CDK12: variants seen among roughly 807,000 people sequenced by gnomAD.
The protein encoded by CDK12 is cyclin-dependent kinase 12.
A neutral mutation model predicts 133.8 loss-of-function variants in CDK12; 17 were observed. The ratio of observed to expected loss-of-function variants is 0.13; its 90% CI spans 0.09 to 0.19. The LOEUF is 0.19. Among genes scored for constraint, CDK12 ranks in the 10% least tolerant of loss-of-function variants. CDK12 has a pLI of 1.00. For missense variants in CDK12, 1,508 were observed against 1,818.7 expected, an observed-to-expected ratio of 0.83 and a Z score of 3.11; for synonymous variants, 694 against 683.6, an observed-to-expected ratio of 1.02 and a Z score of -0.24.
chr17:39,519,340 C>A (rs1185641904), intron 10 of CDK12, among the ~76,000 whole-genome samples: 2 of 112,830 alleles, frequency 1.8e-5, no homozygotes, highest in African/African-American at 6.9e-5. Flanking sequence ...CCGTCTCACT[C>A]TGTCACCTAG....
chr17:39,528,776 AAGTTT>A (rs1305304663), intron 13 of CDK12, among the ~76,000 whole-genome samples: 3 of 152,242 alleles, frequency 2.0e-5, no homozygotes, highest in African/African-American at 7.2e-5. Flanking sequence ...GGAAGAATGT[AAGTTT>A]AGATTATCTC....
intron 11 of CDK12, among the ~76,000 whole-genome samples, chr17:39,524,405 G>A (rs2054368862): frequency 6.6e-6 from 1 of 152,140 alleles, no homozygotes; most frequent in Non-Finnish European, 1.5e-5. Flanking sequence ...ATTTATATGG[G>A]AATTTATATA....
intron 2 of CDK12, among the ~76,000 whole-genome samples, chr17:39,474,912 C>T (rs1204449766): frequency 6.6e-6 from 1 of 151,032 alleles, no homozygotes; most frequent in Non-Finnish European, 1.5e-5. Flanking sequence ...CAGCTCACTG[C>T]AGCCTCTGCC....
Position 39,531,277 on chromosome 17 carries a change from C to A in CDK12, c.4434C>A (p.Val1478=). 6.7e-7 allele frequency: 1 copy of A among 1,499,972 alleles called. No individual in the cohort carries two copies. The highest frequency in any genetic ancestry group is 8.9e-7 in the Non-Finnish European group (1 of 1,127,876). The allele number at this position is 1,499,972 out of a possible 1,614,324, so 92.9% of individuals were successfully genotyped here. ...YGKLYRGPTR[V]PPRGGRGRGV... ...AACTCTATCGGGGGCCTACAAGAGT[C>A]CCACCAAGAGGGGGAAGAGGGAGAG... The change falls in exon 14 of 14, where the codon GTC becomes GTA. Residue 1478 remains valine, a synonymous_variant. Coordinates refer to ENST00000447079, the MANE Select transcript of CDK12 (RefSeq NM_016507.4).
chr17:39,553,047 G>A (rs867761367), intron 2 of CDK12, among the ~76,000 whole-genome samples: 1 of 152,134 alleles, frequency 6.6e-6, no homozygotes, highest in Non-Finnish European at 1.5e-5. Flanking sequence ...TTAGCCAAGG[G>A]TGCCAGATCT....
At chr17:39,464,715 G>A (rs1043682345) in intron 1 of CDK12, among the ~76,000 whole-genome samples, 1 of 151,572 alleles carries the variant, frequency 6.6e-6, no homozygotes, top group African/African-American at 2.4e-5. Context: ...ACCCATATAT[G>A]TAACAGCAAG....
intron 4 of CDK12, among the ~76,000 whole-genome samples, chr17:39,493,732 T>C: frequency 6.6e-6 from 1 of 151,976 alleles, no homozygotes; most frequent in African/African-American, 2.4e-5. Context: ...GTGTGGTGAG[T>C]CATGCCTGTA....
At chr17:39,493,419 C>G (rs2051806021) in intron 4 of CDK12, among the ~76,000 whole-genome samples, 1 of 152,092 alleles carries the variant, frequency 6.6e-6, no homozygotes, top group Admixed American at 6.6e-5. Context: ...AGCGATGCCT[C>G]TGCATCAGCC....
chr17:39,511,194 G>C (rs1276593632), intron 7 of CDK12, among the ~76,000 whole-genome samples: 2 of 133,576 alleles, frequency 1.5e-5, no homozygotes, highest in African/African-American at 2.8e-5. Flanking sequence ...CAGCCTGAGG[G>C]ACAGAGCAAG....
At chr17:39,512,692 A>G (rs1479256439) in intron 8 of CDK12, among the ~76,000 whole-genome samples, 4 of 152,154 alleles carry the variant, frequency 2.6e-5, no homozygotes, top group Non-Finnish European at 5.9e-5. Flanking sequence ...TAATTATATC[A>G]TTTCTTATTG....
At chr17:39,562,732 TG>T (rs2056416727) in intron 3 of CDK12, among the ~76,000 whole-genome samples, 1 of 151,944 alleles carries the variant, frequency 6.6e-6, no homozygotes. Flanking sequence ...AATTGTAGAG[TG>T]AGGTACCCAT....
At chr17:39,544,156 C>T (rs2055557963), upstream of CDK12, 1 of 470,954 alleles carries the variant, frequency 2.1e-6, no homozygotes, top group Admixed American at 2.3e-5. Flanking sequence ...TGTTACCTAC[C>T]AATGGATGCT....
rs888723395 is a variant in CDK12, at chr17:39,532,984, G to A, written c.*1668G>A. ...AGTAAACATACTTCAGCATCTTGGA[G>A]GGTAGTTTTCAAAACTCAAGTTTCA... On this transcript the variant is annotated 3_prime_UTR_variant, in exon 14 of 14. Transcript: ENST00000447079. 8.6e-6 allele frequency: 2 copies of A among 232,572 alleles called. No individual in the cohort carries two copies. The highest frequency in any genetic ancestry group is 5.6e-5 in the Admixed American group (1 of 17,758). 14.4% of individuals were successfully genotyped at this position (232,572 alleles called of 1,614,324 possible).
At chr17:39,467,945 G>A (rs1448656145) in intron 1 of CDK12, among the ~76,000 whole-genome samples, 1 of 151,686 alleles carries the variant, frequency 6.6e-6, no homozygotes, top group Non-Finnish European at 1.5e-5. Context: ...CCAGGCTGGA[G>A]TGCAGTGGCG....
At chr17:39,546,285 T>C (rs1051727972), upstream of CDK12, 1 of 151,620 alleles carries the variant, frequency 6.6e-6, no homozygotes, top group Non-Finnish European at 1.5e-5. Flanking sequence ...GTTCACTCCA[T>C]TCTCCCGCCT....
intron 2 of CDK12, among the ~76,000 whole-genome samples, chr17:39,474,171 T>C (rs2050014632): frequency 6.6e-6 from 1 of 152,252 alleles, no homozygotes; most frequent in African/African-American, 2.4e-5. Context: ...TATGGTTTGC[T>C]TATTCTACTG....
rs7219414 is a variant in CDK12, at chr17:39,499,208, C to G, written c.2420-2042C>G. Among the ~76,000 whole-genome samples the G allele has an allele frequency of 1.6e-4, 2 of 12,446 alleles. 1 individual carries two copies. The allele number at this position is 12,446 out of a possible 152,430, so 8.2% of individuals were successfully genotyped here. The stretch of plus-strand genomic sequence containing the variant: ...CTTTCTTTCTTTCTTTCTTTCTTTC[C>G]TTTTTTTTTTTTTTTTGAGACAGAG... On this transcript the variant is annotated intron_variant, in intron 5 of 13. Coordinates refer to ENST00000447079, the MANE Select transcript of CDK12 (RefSeq NM_016507.4).
At position 39,516,717 on chromosome 17, in the gene CDK12, C is replaced by T. The variant is rs562815645; in HGVS notation, c.2847-723C>T. Among the ~76,000 whole-genome samples, 14 of 140,288 alleles carry T rather than the reference C, an allele frequency of 1.0e-4. No individual in the cohort carries two copies. In the East Asian group the frequency reaches 2.9e-3, roughly 29 times the overall value. The allele number at this position is 140,288 out of a possible 152,430, so 92.0% of individuals were successfully genotyped here. A position where few individuals can be genotyped will look rare whatever the true frequency, so the allele number is the denominator to read the frequency against. The stretch of plus-strand genomic sequence containing the variant: ...TTGCTCTGTCACCCAGGCTGGAGTG[C>T]AGTGGCGTGATCTTGGCTCACTGCA... On this transcript the variant is annotated intron_variant, in intron 9 of 13. Transcript: ENST00000447079.
chr17:39,548,140 C>T (rs2055802219), upstream of CDK12, among the ~76,000 whole-genome samples: 3 of 152,152 alleles, frequency 2.0e-5, no homozygotes, highest in South Asian at 6.2e-4. Context: ...CCTTAGCAGA[C>T]AGTTTGGGGA....
Sources: gnomAD v4.1 joint callset for allele counts (sites outside exome capture counted in the v4.1 genomes callset) on GRCh38, gnomAD v4.1.1 for gene constraint, MANE v1.5 for transcripts, NCBI Gene and HGNC (gene_info 2026-07-23, HGNC 2026-07-21) for gene names.